COMT: variants seen among roughly 807,000 people sequenced by gnomAD.
COMT encodes catechol-O-methyltransferase.
Under a neutral mutation model 18.9 loss-of-function variants are expected in COMT, and 13 were observed. The observed-to-expected ratio is 0.69, with a 90% CI of 0.45 to 1.09. The LOEUF is 1.09. Ranked by LOEUF, COMT falls within the 50% of genes least tolerant of loss-of-function variation. The probability of loss-of-function intolerance (pLI) is 0.00; values close to 1 mark genes in which losing one functional copy is unlikely to be tolerated. For synonymous variants in COMT, 150 were observed against 160.9 expected (o/e 0.93, Z 0.51); for missense variants, 329 against 361.8 (o/e 0.91, Z 0.73).
intron 5 of COMT, chr22:19,967,171 G>C: frequency 7.7e-7 from 1 of 1,304,580 alleles, no homozygotes; most frequent in Non-Finnish European, 1.0e-6. Context: ...CAGGTGCAGT[G>C]GTCTGGTGTC....
At chr22:19,960,747 G>A (rs1942174837) in intron 1 of COMT, among the ~76,000 whole-genome samples, 1 of 152,272 alleles carries the variant, frequency 6.6e-6, no homozygotes, top group Non-Finnish European at 1.5e-5. Context: ...TGAGCTGCAT[G>A]TTGGCCACTG....
chr22:19,943,850 A>G, intron 1 of COMT, among the ~76,000 whole-genome samples: 1 of 151,998 alleles, frequency 6.6e-6, no homozygotes, highest in Non-Finnish European at 1.5e-5. Flanking sequence ...AGGCATTGGT[A>G]TCCCAGTTGT....
rs1159919237 is a variant in COMT at position 19,941,775 on chromosome 22, C to A, written c.-214C>A. On this transcript the variant is annotated 5_prime_UTR_variant, in exon 1 of 6. Transcript: ENST00000361682. ...CCGCCACCGGAAGCGCCCTCCTAAT[C>A]CCCGCAGCGCCACCGCCATTGCCGC... 6 of 1,525,472 alleles carry A rather than the reference C, an allele frequency of 3.9e-6. No homozygotes were observed. The highest frequency in any genetic ancestry group is 5.2e-6 in the Non-Finnish European group (6 of 1,146,396). The allele number at this position is 1,525,472 out of a possible 1,614,324, so 94.5% of individuals were successfully genotyped here. A position where few individuals can be genotyped will look rare whatever the true frequency, so the allele number is the denominator to read the frequency against.
chr22:19,964,035 T>C (rs1185706140), intron 4 of COMT, 133 bp from the exon 5 acceptor site: 1 of 1,555,952 alleles, frequency 6.4e-7, no homozygotes, highest in Non-Finnish European at 8.8e-7. Flanking sequence ...AGAAAACTGA[T>C]GAATGCTTGT....
At chr22:19,967,171 G>A (rs1250275248) in intron 5 of COMT, 2 of 1,304,462 alleles carry the variant, frequency 1.5e-6, no homozygotes, top group Non-Finnish European at 2.0e-6. Flanking sequence ...CAGGTGCAGT[G>A]GTCTGGTGTC....
At position 19,968,824 on chromosome 22, in the gene COMT, G is replaced by T; in HGVS notation, c.*88G>T. 7.6e-7 allele frequency: 1 copy of T among 1,312,512 alleles called. No individual in the cohort carries two copies. The highest frequency in any genetic ancestry group is 1.1e-6 in the Non-Finnish European group (1 of 938,408). The allele number at this position is 1,312,512 out of a possible 1,614,324, so 81.3% of individuals were successfully genotyped here. A position where few individuals can be genotyped will look rare whatever the true frequency, so the allele number is the denominator to read the frequency against. On this transcript the variant is annotated 3_prime_UTR_variant, in exon 6 of 6. Coordinates refer to ENST00000361682, the MANE Select transcript of COMT (RefSeq NM_000754.4). ...GCTCCTGCTGACCTTCTGCGGCTCCGGGCTGTGTCCTAAATGCAAAGCACA... is the reference window on the plus strand; with the variant it reads ...GCTCCTGCTGACCTTCTGCGGCTCCTGGCTGTGTCCTAAATGCAAAGCACA...
chr22:19,966,754 T>C (rs1401745999), intron 5 of COMT, among the ~76,000 whole-genome samples: 2 of 149,712 alleles, frequency 1.3e-5, no homozygotes, highest in African/African-American at 5.0e-5. Context: ...CTTTTTGTTG[T>C]TGTTTCTCGA....
chr22:19,964,661 G>A (rs371471552), intron 5 of COMT: 5 of 584,374 alleles, frequency 8.6e-6, no homozygotes, highest in East Asian at 2.8e-5. Context: ...GGCCCAGCCT[G>A]CTCTCCCCCA....
In COMT at chr22:19,968,755, T is replaced by C. The variant is rs745628165; in HGVS notation, c.*19T>C. On this transcript the variant is annotated 3_prime_UTR_variant, in exon 6 of 6. Transcript: ENST00000361682. ...GCCCTGACTGCCCCCCCGGCCCCCC[T>C]CTCGGGCTCTCTCACCCAGCCTGGT... The C allele has an allele frequency of 1.9e-6, 3 of 1,598,634 alleles. No individual in the cohort carries two copies. The highest frequency in any genetic ancestry group is 2.6e-6 in the Non-Finnish European group (3 of 1,175,632).
intron 1 of COMT, among the ~76,000 whole-genome samples, chr22:19,953,259 C>T (rs74607110): frequency 6.6e-6 from 1 of 152,132 alleles, no homozygotes; most frequent in African/African-American, 2.4e-5. Flanking sequence ...AGGCCTGGCC[C>T]AGAGCCTGGT....
At chr22:19,956,140 T>TTTTTTTTTTTTTTTTTTTCC (rs1942055023) in intron 1 of COMT, among the ~76,000 whole-genome samples, 2 of 104,522 alleles carry the variant, frequency 1.9e-5, no homozygotes, top group African/African-American at 3.8e-5. Flanking sequence ...TTTTTTTCTT[T>TTTTTTTTTTTTTTTTTTTCC]TTTTTTTTTT....
chr22:19,954,062 G>A (rs942501783), intron 1 of COMT, among the ~76,000 whole-genome samples: 1 of 152,206 alleles, frequency 6.6e-6, no homozygotes, highest in African/African-American at 2.4e-5. Context: ...TGAATCTGCA[G>A]GTGCAGTGCA....
intron 5 of COMT, 116 bp from the exon 6 acceptor site, chr22:19,968,420 A>T: frequency 9.8e-7 from 1 of 1,021,780 alleles, no homozygotes. Flanking sequence ...ACCTGGCCCC[A>T]GGGGCTAGGC....
At chr22:19,944,534 A>T (rs1219410431) in intron 1 of COMT, among the ~76,000 whole-genome samples, 1 of 150,046 alleles carries the variant, frequency 6.7e-6, no homozygotes, top group Non-Finnish European at 1.5e-5. Flanking sequence ...CCATCTCAAA[A>T]AAGAATTAGG....
At chr22:19,952,957 T>A (rs201403488) in intron 1 of COMT, among the ~76,000 whole-genome samples, 5 of 1,026 alleles carry the variant, frequency 4.9e-3, no homozygotes, top group African/African-American at 0.021. Context: ...TCTCAAAAAA[T>A]AAATAAATAA....
Position 19,964,237 on chromosome 22 carries a change from C to A in COMT, c.553C>A (p.Leu185Met), listed in dbSNP as rs1942280710. ...GAAGAAGAAGTATGATGTGGACACA[C>A]TGGACATGGTCTTCCTCGACCACTG... ...QLKKKYDVDT[L>M]DMVFLDHWKD... The change falls in exon 5 of 6, where the codon CTG becomes ATG. Residue 185 changes from leucine to methionine, a missense_variant. Physicochemically the swap from Leu to Met is conservative, Grantham distance 15. Transcript: ENST00000361682. The A allele has an allele frequency of 4.3e-6, 7 of 1,614,160 alleles. No homozygotes were observed. Among genetic ancestry groups the A allele is most frequent in the Non-Finnish European group, 5.9e-6 (7 of 1,180,038 alleles).
chr22:19,964,119 G>A lies in COMT; in HGVS notation c.484-49G>A, dbSNP rs376721753. ...AGGCGCTGTTGTATAGGTGTGTAGG[G>A]ATGGCCTCCTGTCTGTGAGGACGTG... On this transcript the variant is annotated intron_variant, in intron 4 of 5. Transcript: ENST00000361682. 4 of 1,613,684 alleles carry A rather than the reference G, an allele frequency of 2.5e-6. No individual in the cohort carries two copies. The African/African-American group carries it at 5.3e-5, about 22-fold the overall frequency.
At chr22:19,947,171 C>T (rs1941852119) in intron 1 of COMT, among the ~76,000 whole-genome samples, 1 of 152,088 alleles carries the variant, frequency 6.6e-6, no homozygotes, top group Admixed American at 6.5e-5. Flanking sequence ...CCACCTTGGC[C>T]TTCCAAAGTG....
At chr22:19,968,007 G>A (rs1322507423) in intron 5 of COMT, among the ~76,000 whole-genome samples, 1 of 152,202 alleles carries the variant, frequency 6.6e-6, no homozygotes, top group African/African-American at 2.4e-5. Context: ...TGAAGATGGG[G>A]GGTCTGCAAA....
Sources: allele counts gnomAD v4.1 joint callset (sites outside exome capture counted in the v4.1 genomes callset), GRCh38; gene constraint gnomAD v4.1.1; transcripts MANE v1.5; gene names NCBI Gene and HGNC (gene_info 2026-07-23, HGNC 2026-07-21).